CLDN12: variants seen among roughly 807,000 people sequenced by gnomAD.
CLDN12 encodes claudin-12.
In CLDN12, 9 loss-of-function variants were observed where a neutral mutation model predicts 15.5. The observed-to-expected ratio is 0.58, with a 90% CI of 0.35 to 1.02. CLDN12 has a LOEUF of 1.02. Among genes scored for constraint, CLDN12 ranks in the 50% least tolerant of loss-of-function variants. The pLI, the probability that CLDN12 is intolerant of heterozygous loss-of-function variation, is 0.02. For missense variants in CLDN12, 233 were observed against 297.3 expected, an observed-to-expected ratio of 0.78 and a Z score of 1.59; for synonymous variants, 140 against 121.6, an observed-to-expected ratio of 1.15 and a Z score of -1.00.
rs1450772647 is a variant in CLDN12, at chr7:90,414,971, T to C, written c.*1560T>C. 60 of 167,056 alleles carry C rather than the reference T, an allele frequency of 3.6e-4. No individual in the cohort carries two copies. Among genetic ancestry groups the C allele is most frequent in the Non-Finnish European group, 4.4e-5 (3 of 68,110 alleles). 10.3% of individuals were successfully genotyped at this position (167,056 alleles called of 1,614,324 possible). On this transcript the variant is annotated 3_prime_UTR_variant, in exon 4 of 4. Coordinates refer to ENST00000496677, the MANE Select transcript of CLDN12 (RefSeq NM_001185072.3). ...GGTGTAATTTACTACATATTAGTAC[T>C]ATATTCGTAAGGATTTTTTATTAAC...
Position 90,414,060 on chromosome 7 carries a change from T to G in CLDN12, c.*649T>G, listed in dbSNP as rs1797025521. The G allele has an allele frequency of 1.0e-6, 1 of 990,920 alleles. No individual in the cohort carries two copies. Among genetic ancestry groups the G allele is most frequent in the Admixed American group, 6.1e-5 (1 of 16,268 alleles). 61.4% of individuals were successfully genotyped at this position (990,920 alleles called of 1,614,324 possible). ...CTACTTATGAATAACATGTAATAAT[T>G]TTTAACATTAATGATTCCATAAATT... On this transcript the variant is annotated 3_prime_UTR_variant, in exon 4 of 4. Coordinates refer to ENST00000496677, the MANE Select transcript of CLDN12 (RefSeq NM_001185072.3).
rs181918576 is a variant in CLDN12 at position 90,412,494 on chromosome 7, T to C, written c.-33-150T>C. ...TCACACACACCTGCATGTATATACA[T>C]TTGTACTGTACAGAGAGGAAACAAG... On this transcript the variant is annotated intron_variant, in intron 3 of 3. Transcript: ENST00000496677. 16 of 641,288 alleles carry C rather than the reference T, an allele frequency of 2.5e-5. No homozygotes were observed. In the East Asian group the frequency reaches 3.8e-4, roughly 15 times the overall value. The allele number at this position is 641,288 out of a possible 1,614,324, so 39.7% of individuals were successfully genotyped here.
chr7:90,409,373 C>T (rs1796910315), intron 2 of CLDN12, among the ~76,000 whole-genome samples: 1 of 152,050 alleles, frequency 6.6e-6, no homozygotes, highest in Admixed American at 6.6e-5. Context: ...AGGCACGTGC[C>T]ACCATGCCTG....
At chr7:90,409,822 C>G (rs925460928) in intron 2 of CLDN12, among the ~76,000 whole-genome samples, 1 of 152,190 alleles carries the variant, frequency 6.6e-6, no homozygotes, top group Admixed American at 6.5e-5. Flanking sequence ...TTTCTTTCCA[C>G]AAGTCTCTAT....
intron 2 of CLDN12, among the ~76,000 whole-genome samples, chr7:90,407,503 A>T (rs1796861743): frequency 1.3e-5 from 2 of 152,212 alleles, no homozygotes; most frequent in Non-Finnish European, 2.9e-5. Context: ...GACCAGAGTT[A>T]TACAGAACCT....
intron 2 of CLDN12, among the ~76,000 whole-genome samples, chr7:90,406,231 A>G (rs1230786110): frequency 6.6e-6 from 1 of 152,254 alleles, no homozygotes. Context: ...GCTCTTAGCC[A>G]CTGTTCCTGC....
At chr7:90,412,421 A>G in intron 3 of CLDN12, 8 of 440,006 alleles carry the variant, frequency 1.8e-5, no homozygotes, top group Non-Finnish European at 2.8e-5. Flanking sequence ...TAGTTGCTCT[A>G]TGACCCAGTC....
chr7:90,412,979 G>A lies in CLDN12; in HGVS notation c.303G>A (p.Leu101=), dbSNP rs1796997647. 6.2e-7 allele frequency: 1 copy of A among 1,614,152 alleles called. No homozygotes were observed. The highest frequency in any genetic ancestry group is 1.1e-5 in the South Asian group (1 of 91,072). Residue 101 remains leucine (L), a synonymous_variant, in exon 4 of 4, where the codon CTG becomes CTA. Coordinates refer to ENST00000496677, the MANE Select transcript of CLDN12 (RefSeq NM_001185072.3). ...PLSMLIAMGA[L]LLCLIGMCNT... ...GCATGCTGATCGCCATGGGTGCCCTGCTGCTCTGCCTGATTGGAATGTGCA... is the reference window on the plus strand; with the variant it reads ...GCATGCTGATCGCCATGGGTGCCCTACTGCTCTGCCTGATTGGAATGTGCA...
intron 2 of CLDN12, among the ~76,000 whole-genome samples, chr7:90,407,122 A>G (rs147670095): frequency 1.8e-3 from 272 of 151,978 alleles, no homozygotes; most frequent in Non-Finnish European, 3.0e-3. Flanking sequence ...CTAGTCTCAA[A>G]CTCCTGACCT....
chr7:90,409,996 G>C (rs1796927083), intron 2 of CLDN12, among the ~76,000 whole-genome samples: 1 of 152,118 alleles, frequency 6.6e-6, no homozygotes, highest in Non-Finnish European at 1.5e-5. Flanking sequence ...TTCATTACCA[G>C]TGGCCCACCT....
Position 90,413,315 on chromosome 7 carries a change from T to A in CLDN12, c.639T>A (p.His213Gln). The A allele has an allele frequency of 6.2e-7, 1 of 1,614,186 alleles. No individual in the cohort carries two copies. The highest frequency in any genetic ancestry group is 8.5e-7 in the Non-Finnish European group (1 of 1,180,014). Residue 213 changes from histidine to glutamine, a missense_variant, in exon 4 of 4, where the codon CAT becomes CAA. Physicochemically the swap from His to Gln is conservative, Grantham distance 24. Coordinates refer to ENST00000496677, the MANE Select transcript of CLDN12 (RefSeq NM_001185072.3). The stretch of plus-strand genomic sequence containing the variant: ...CTTTCTGGCAACCATTGTACTCCCA[T>A]CCACCCAGTATGCATACTTACTCAC... Reference protein sequence around the residue: ...PSPFWQPLYSHPPSMHTYSQP... With the variant: ...PSPFWQPLYSQPPSMHTYSQP...
At chr7:90,412,592 C>T (rs1476726230) in intron 3 of CLDN12, 52 bp from the exon 4 acceptor site, 1 of 1,450,060 alleles carries the variant, frequency 6.9e-7, no homozygotes, top group African/African-American at 1.4e-5. Flanking sequence ...CCTTCCTGCT[C>T]TGTTCTGCTA....
intron 2 of CLDN12, among the ~76,000 whole-genome samples, chr7:90,407,811 G>A (rs779988502): frequency 1.5e-4 from 23 of 152,202 alleles, no homozygotes; most frequent in Non-Finnish European, 2.9e-4. Context: ...AAAGTTCTAG[G>A]AGAAAGACCA....
Position 90,413,329 on chromosome 7 carries a change from A to C in CLDN12, c.653A>C (p.His218Pro). 1.2e-6 allele frequency: 2 copies of C among 1,614,186 alleles called. No homozygotes were observed. The highest frequency in any genetic ancestry group is 2.2e-5 in the East Asian group (1 of 44,880). ...TTGTACTCCCATCCACCCAGTATGC[A>C]TACTTACTCACAGCCCTATTCAGCA... ...QPLYSHPPSM[H>P]TYSQPYSARS... Residue 218 changes from histidine (H) to proline (P), a missense_variant, in exon 4 of 4, where the codon CAT (histidine) becomes CCT (proline). Transcript: ENST00000496677.
Position 90,412,696 on chromosome 7 carries a change from A to G in CLDN12, c.20A>G (p.His7Arg). Residue 7 changes from histidine to arginine, a missense_variant, in exon 4 of 4, where the codon CAC (histidine) becomes CGC (arginine). His to Arg is a conservative substitution (Grantham distance 29). Transcript: ENST00000496677. MGCRDVHAATVLSFLCG... is the reference protein window; with the variant it reads MGCRDVRAATVLSFLCG... ...CCTGCCATGGGCTGTCGGGATGTCC[A>G]CGCAGCCACAGTCCTTTCCTTCCTG... 6.2e-7 allele frequency: 1 copy of G among 1,613,374 alleles called. No individual in the cohort carries two copies. The highest frequency in any genetic ancestry group is 8.5e-7 in the Non-Finnish European group (1 of 1,179,606).
At chr7:90,405,312 C>T (rs1003857531) in intron 1 of CLDN12, among the ~76,000 whole-genome samples, 3 of 152,218 alleles carry the variant, frequency 2.0e-5, no homozygotes, top group African/African-American at 7.2e-5. Flanking sequence ...CATCCCGCCT[C>T]AGCTTCCCAA....
Position 90,403,481 on chromosome 7 carries a change from G to A in CLDN12, c.-235G>A, listed in dbSNP as rs751279674. 5.3e-5 allele frequency: 8 copies of A among 152,184 alleles called. No homozygotes were observed. Among genetic ancestry groups the A allele is most frequent in the Non-Finnish European group, 8.8e-5 (6 of 68,050 alleles). 9.4% of individuals were successfully genotyped at this position (152,184 alleles called of 1,614,324 possible). On this transcript the variant is annotated 5_prime_UTR_variant, in exon 1 of 4. Transcript: ENST00000496677. ...TCGCTGGGAACGCACTTCCTGGGAC[G>A]CTGAGAGGGAGACGCTCCAAGAGGC...
chr7:90,412,582 C>T (rs1382686437), intron 3 of CLDN12, 62 bp from the exon 4 acceptor site: 5 of 1,375,816 alleles, frequency 3.6e-6, no homozygotes, highest in Non-Finnish European at 5.0e-6. Flanking sequence ...TTGGCACCAC[C>T]CTTCCTGCTC....
At chr7:90,407,817 G>A (rs1796870895) in intron 2 of CLDN12, among the ~76,000 whole-genome samples, 1 of 152,162 alleles carries the variant, frequency 6.6e-6, no homozygotes, top group African/African-American at 2.4e-5. Flanking sequence ...CTAGGAGAAA[G>A]ACCATGAGGG....
Sources: allele counts gnomAD v4.1 joint callset (sites outside exome capture counted in the v4.1 genomes callset), GRCh38; gene constraint gnomAD v4.1.1; transcripts MANE v1.5; gene names NCBI Gene and HGNC (gene_info 2026-07-23, HGNC 2026-07-21).